The following NFIX variants were observed in gnomAD, a reference collection of about 807,000 sequenced individuals.
NFIX encodes nuclear factor I X.
A neutral mutation model predicts 53.3 loss-of-function variants in NFIX; 2 were observed. The observed-to-expected ratio is 0.04, with a 90% CI of 0.02 to 0.12. NFIX has a LOEUF of 0.12. NFIX is among the 10% of genes least tolerant of loss of function. NFIX has a pLI of 1.00. For missense variants in NFIX, 310 were observed against 674.5 expected (o/e 0.46, Z 5.99); for synonymous variants, 244 against 289.0 (o/e 0.84, Z 1.58).
rs2011488242 is a variant in NFIX at position 12,996,871 on chromosome 19, G to A, written c.27+1007G>A. Among the ~76,000 whole-genome samples, 1 of 152,280 alleles carries A rather than the reference G, an allele frequency of 6.6e-6. No homozygotes were observed. The highest frequency in any genetic ancestry group is 6.5e-5 in the Admixed American group (1 of 15,292). ...TGCGGCAAAAGCTTCGAGGATGCCTGTCGGGCCACCCAACTCTCCCTGGGC... is the reference window on the plus strand; with the variant it reads ...TGCGGCAAAAGCTTCGAGGATGCCTATCGGGCCACCCAACTCTCCCTGGGC... On this transcript the variant is annotated intron_variant, in intron 1 of 10. Transcript: ENST00000592199. The surrounding 1 kb of genome is among the most constrained non-coding windows in gnomAD (Gnocchi z 5.2).
chr19:13,004,728 C>T (rs565001427), intron 1 of NFIX, among the ~76,000 whole-genome samples: 9 of 152,212 alleles, frequency 5.9e-5, no homozygotes, highest in East Asian at 5.8e-4. Context: ...CCAGGACACT[C>T]GCAGTCTTCT....
chr19:13,091,000 A>T lies in NFIX; in HGVS notation c.1494+610A>T, dbSNP rs1160212125. Among the ~76,000 whole-genome samples the T allele has an allele frequency of 3.3e-5, 5 of 152,128 alleles. No homozygotes were observed. In the East Asian group the frequency reaches 9.7e-4, roughly 29 times the overall value. ...GCTGACACCACCCTTAGTTCTCACC[A>T]GGAGACAGATCCCCGTCACAAGCAG... is the stretch of plus-strand genomic sequence containing the variant. On this transcript the variant is annotated intron_variant, in intron 10 of 10. Coordinates refer to ENST00000592199, the MANE Select transcript of NFIX (RefSeq NM_001365902.3). This position sits in a 1 kb window ranked among gnomAD's most constrained non-coding sequence, Gnocchi z 6.6.
At chr19:13,015,081 T>G (rs940988930) in intron 1 of NFIX, among the ~76,000 whole-genome samples, 3 of 152,230 alleles carry the variant, frequency 2.0e-5, no homozygotes, top group Non-Finnish European at 4.4e-5. Context: ...GGGAGCTTTT[T>G]ATGTATTTGC....
intron 1 of NFIX, among the ~76,000 whole-genome samples, chr19:13,003,202 C>A (rs889811861): frequency 6.6e-6 from 1 of 152,056 alleles, no homozygotes; most frequent in African/African-American, 2.4e-5. Context: ...GCATGCTGCA[C>A]CTCCCTCAAT....
chr19:13,016,065 T>C (rs1029678175), intron 1 of NFIX, among the ~76,000 whole-genome samples: 4 of 152,160 alleles, frequency 2.6e-5, no homozygotes, highest in Non-Finnish European at 5.9e-5. Flanking sequence ...TGGGGTTACA[T>C]GGGTGTGTTC....
chr19:13,029,892 C>T (rs555109857), intron 2 of NFIX, among the ~76,000 whole-genome samples: 141 of 152,294 alleles, frequency 9.3e-4, no homozygotes, highest in Non-Finnish European at 1.8e-3. Context: ...CCTTCCTTGG[C>T]GGTGGAGGGC....
At position 13,085,561 on chromosome 19, in the gene NFIX, C is replaced by A. The variant is rs1242974099; in HGVS notation, c.1255-2428C>A. On this transcript the variant is annotated intron_variant, in intron 8 of 10. Transcript: ENST00000592199. ...GCGCTGCAAACCCCCACGCTCTGAC[C>A]TGCACTGTTACCTGGAACTGAGGGT... 3.9e-5 allele frequency among the ~76,000 whole-genome samples: 6 copies of A among 152,350 alleles called. No individual in the cohort carries two copies. The East Asian group carries it at 1.2e-3, about 29-fold the overall frequency.
Position 13,002,372 on chromosome 19 carries a change from AC to A in NFIX, c.27+6515del, listed in dbSNP as rs1422134799. On this transcript the variant is annotated intron_variant, in intron 1 of 10. Transcript: ENST00000592199. This position sits in a 1 kb window ranked among gnomAD's most constrained non-coding sequence, Gnocchi z 6.1. Reference sequence around the variant, plus strand: ...TAAAGGAAGAAGGGCTAGCTCCCCAACCCCCCCTTCCTCACCACCTCCCCCC... The same window carrying A: ...TAAAGGAAGAAGGGCTAGCTCCCCAACCCCCCTTCCTCACCACCTCCCCCC... Among the ~76,000 whole-genome samples, 5 of 147,606 alleles carry A rather than the reference AC, an allele frequency of 3.4e-5. No individual in the cohort carries two copies. The East Asian group carries it at 1.0e-3, about 30-fold the overall frequency.
At position 13,021,926 on chromosome 19, in the gene NFIX, CTCTTT is replaced by C. The variant is rs1335641308; in HGVS notation, c.28-3087_28-3083del. 6.6e-6 allele frequency among the ~76,000 whole-genome samples: 1 copy of C among 152,144 alleles called. No homozygotes were observed. The highest frequency in any genetic ancestry group is 2.1e-4 in the South Asian group (1 of 4,834). On this transcript the variant is annotated intron_variant, in intron 1 of 10. Coordinates refer to ENST00000592199, the MANE Select transcript of NFIX (RefSeq NM_001365902.3). This position sits in a 1 kb window ranked among gnomAD's most constrained non-coding sequence, Gnocchi z 4.2. ...TGTTTTTTGTTGTGTCCTTTCTTAG[CTCTTT>C]TCTTTTCATTTGGGTTTCTCATTTT... is the stretch of plus-strand genomic sequence containing the variant.
chr19:13,052,183 G>T lies in NFIX; in HGVS notation c.560-20864G>T, dbSNP rs1484053854. On this transcript the variant is annotated intron_variant, in intron 2 of 10. Coordinates refer to ENST00000592199, the MANE Select transcript of NFIX (RefSeq NM_001365902.3). This position sits in a 1 kb window ranked among gnomAD's most constrained non-coding sequence, Gnocchi z 5.2. ...TCCTGGGGCTTGTCCAAGTGGGTAG[G>T]TCTGGGCAGGGCTCGTGAATCTGCA... 6.6e-6 allele frequency among the ~76,000 whole-genome samples: 1 copy of T among 152,178 alleles called. No homozygotes were observed. Among genetic ancestry groups the T allele is most frequent in the Non-Finnish European group, 1.5e-5 (1 of 68,026 alleles).
At position 13,081,556 on chromosome 19, in the gene NFIX, C is replaced by T. The variant is rs553831304; in HGVS notation, c.1079-124C>T. ...GCCGCCTTAACTTTTGTGCCTGTGG[C>T]GGCTGCCTTACCTGCTCAGGATCCT... On this transcript the variant is annotated intron_variant, in intron 7 of 10. Coordinates refer to ENST00000592199, the MANE Select transcript of NFIX (RefSeq NM_001365902.3). The surrounding 1 kb of genome is among the most constrained non-coding windows in gnomAD (Gnocchi z 4.7). 59 of 916,722 alleles carry T rather than the reference C, an allele frequency of 6.4e-5. No individual in the cohort carries two copies. The East Asian group carries it at 8.7e-4, about 14-fold the overall frequency. 56.8% of individuals were successfully genotyped at this position (916,722 alleles called of 1,614,324 possible).
chr19:13,069,085 T>G (rs183965230), intron 2 of NFIX, among the ~76,000 whole-genome samples: 328 of 152,340 alleles, frequency 2.2e-3, no homozygotes, highest in Non-Finnish European at 3.8e-3. Flanking sequence ...CTCTCCAGCT[T>G]CCAGCACCAG....
In NFIX at chr19:13,088,260, T is replaced by G; in HGVS notation, c.1402+124T>G. On this transcript the variant is annotated intron_variant, in intron 9 of 10. Transcript: ENST00000592199. This position sits in a 1 kb window ranked among gnomAD's most constrained non-coding sequence, Gnocchi z 5.9. ...CAAAGCCCCCCAACCCAGAGCACCA[T>G]GGACAAGAGCAGAGCCGAGCCCCCC... The G allele has an allele frequency of 2.5e-6, 3 of 1,192,708 alleles. No individual in the cohort carries two copies. Among genetic ancestry groups the G allele is most frequent in the Non-Finnish European group, 2.3e-6 (2 of 869,888 alleles). 73.9% of individuals were successfully genotyped at this position (1,192,708 alleles called of 1,614,324 possible).
chr19:13,007,364 C>T (rs2012080972), intron 1 of NFIX, among the ~76,000 whole-genome samples: 1 of 152,168 alleles, frequency 6.6e-6, no homozygotes, highest in Non-Finnish European at 1.5e-5. Context: ...TGTTCTAAGC[C>T]AGCTCGCTCC....
chr19:13,038,677 T>C (rs984168197), intron 2 of NFIX, among the ~76,000 whole-genome samples: 35 of 152,264 alleles, frequency 2.3e-4, no homozygotes, highest in African/African-American at 8.4e-4. Flanking sequence ...CTGTTTAGTT[T>C]ACTACCTGGC....
rs1013068874 is a variant in NFIX at position 13,009,186 on chromosome 19, G to A, written c.27+13322G>A. On this transcript the variant is annotated intron_variant, in intron 1 of 10. Coordinates refer to ENST00000592199, the MANE Select transcript of NFIX (RefSeq NM_001365902.3). The surrounding 1 kb of genome is among the most constrained non-coding windows in gnomAD (Gnocchi z 4.7). The stretch of plus-strand genomic sequence containing the variant: ...TCACACACGCACACACACACACAGC[G>A]GCACAGTCGCACACACAGCCAGCCT... Among the ~76,000 whole-genome samples the A allele has an allele frequency of 5.9e-5, 9 of 152,048 alleles. No individual in the cohort carries two copies. Among genetic ancestry groups the A allele is most frequent in the African/African-American group, 1.9e-4 (8 of 41,394 alleles).
At chr19:13,031,804 G>A (rs1364714312) in intron 2 of NFIX, among the ~76,000 whole-genome samples, 1 of 152,170 alleles carries the variant, frequency 6.6e-6, no homozygotes, top group South Asian at 2.1e-4. Context: ...GATGCCAGAG[G>A]AAGAGTGGGT....
rs772106599 is a variant in NFIX, at chr19:13,049,032, G to A, written c.559+23480G>A. 1.9e-4 allele frequency among the ~76,000 whole-genome samples: 29 copies of A among 151,870 alleles called. No homozygotes were observed. Among genetic ancestry groups the A allele is most frequent in the South Asian group, 6.2e-4 (3 of 4,812 alleles). ...GCAGAGGTTGCAGTGAGACAAGATC[G>A]CGTCACTGTACCCCAGCCTGGGCGA... On this transcript the variant is annotated intron_variant, in intron 2 of 10. Transcript: ENST00000592199. The surrounding 1 kb of genome is among the most constrained non-coding windows in gnomAD (Gnocchi z 4.5).
chr19:13,087,900 C>A lies in NFIX; in HGVS notation c.1255-89C>A. On this transcript the variant is annotated intron_variant, in intron 8 of 10. Transcript: ENST00000592199. ...GGATCTTCCACCGGGAGCGCCCGCT[C>A]TCAGGAGCGAGCTGGCGCGGCCGCG... is the stretch of plus-strand genomic sequence containing the variant. 2.7e-6 allele frequency: 4 copies of A among 1,489,214 alleles called. No homozygotes were observed. The South Asian group carries it at 5.0e-5, about 19-fold the overall frequency. The allele number at this position is 1,489,214 out of a possible 1,614,324, so 92.3% of individuals were successfully genotyped here.
Sources: allele counts gnomAD v4.1 joint callset (sites outside exome capture counted in the v4.1 genomes callset), GRCh38; gene constraint gnomAD v4.1.1; non-coding constraint Gnocchi (gnomAD v3.1); transcripts MANE v1.5; gene names NCBI Gene and HGNC (gene_info 2026-07-23, HGNC 2026-07-21).